Variants in USP46 observed in about 807,000 individuals in gnomAD.
The protein encoded by USP46 is ubiquitin carboxyl-terminal hydrolase 46.
Under a neutral mutation model 44.4 loss-of-function variants are expected in USP46, and 12 were observed. That is an observed-to-expected ratio of 0.27 (90% CI 0.17 to 0.44). The LOEUF (loss-of-function observed/expected upper bound fraction) is 0.44. USP46 is among the 20% of genes least tolerant of loss of function. The probability of loss-of-function intolerance (pLI) is 1.00; values close to 1 mark genes in which losing one functional copy is unlikely to be tolerated. For synonymous variants in USP46, 155 were observed against 161.5 expected, an observed-to-expected ratio of 0.96 and a Z score of 0.31; for missense variants, 248 against 444.8, an observed-to-expected ratio of 0.56 and a Z score of 3.98.
At chr4:52,653,440 G>T (rs189685242) in intron 1 of USP46, among the ~76,000 whole-genome samples, 1 of 149,780 alleles carries the variant, frequency 6.7e-6, no homozygotes, top group Non-Finnish European at 1.5e-5. Context: ...AGGAGGCAGA[G>T]GTTGCAGTGA....
At chr4:52,649,794 A>G (rs1718686278) in intron 1 of USP46, among the ~76,000 whole-genome samples, 1 of 152,260 alleles carries the variant, frequency 6.6e-6, no homozygotes, top group Non-Finnish European at 1.5e-5. Context: ...ACACTGAATA[A>G]TACAAATAAA....
At chr4:52,629,828 G>A (rs1168882487) in intron 2 of USP46, 1 of 429,060 alleles carries the variant, frequency 2.3e-6, no homozygotes, top group Non-Finnish European at 4.7e-6. Context: ...TTACAGATGG[G>A]GAAATGGAGG....
intron 4 of USP46, among the ~76,000 whole-genome samples, chr4:52,616,932 A>G (rs1349176453): frequency 6.6e-6 from 1 of 152,244 alleles, no homozygotes; most frequent in Non-Finnish European, 1.5e-5. Context: ...AACTAATGCC[A>G]AAGAAAACAT....
At chr4:52,658,891 G>C (rs1054637202) in intron 1 of USP46, among the ~76,000 whole-genome samples, 2 of 151,454 alleles carry the variant, frequency 1.3e-5, no homozygotes, top group Non-Finnish European at 1.5e-5. Flanking sequence ...TCGCCGGGCG[G>C]GTTCCGAGGT....
chr4:52,612,111 G>T (rs574616094), intron 4 of USP46, among the ~76,000 whole-genome samples: 1 of 152,254 alleles, frequency 6.6e-6, no homozygotes, highest in African/African-American at 2.4e-5. Flanking sequence ...AAAAAGTAAG[G>T]ACTCAATAAA....
At chr4:52,605,523 A>C (rs1441797556) in intron 5 of USP46, among the ~76,000 whole-genome samples, 1 of 152,196 alleles carries the variant, frequency 6.6e-6, no homozygotes, top group Non-Finnish European at 1.5e-5. Context: ...ATGTTATTTA[A>C]AATGTGTTAA....
chr4:52,595,795 T>G lies in USP46; in HGVS notation c.*1845A>C, dbSNP rs1217732866. The G allele has an allele frequency of 6.6e-6, 1 of 152,198 alleles. No homozygotes were observed. The highest frequency in any genetic ancestry group is 1.5e-5 in the Non-Finnish European group (1 of 68,030). The allele number at this position is 152,198 out of a possible 1,614,324, so 9.4% of individuals were successfully genotyped here. A position where few individuals can be genotyped will look rare whatever the true frequency, so the allele number is the denominator to read the frequency against. On this transcript the variant is annotated 3_prime_UTR_variant, in exon 9 of 9. Coordinates refer to ENST00000441222, the MANE Select transcript of USP46 (RefSeq NM_022832.4). ...ACTTTGTAACTTGCAGTCAAATATA[T>G]GGATTCTATATAGTACAAACATTTC...
intron 1 of USP46, among the ~76,000 whole-genome samples, chr4:52,637,007 T>C (rs1718143770): frequency 6.6e-6 from 1 of 151,910 alleles, no homozygotes; most frequent in South Asian, 2.1e-4. Flanking sequence ...GACAGGGTTT[T>C]CCATGTTGCT....
At chr4:52,636,061 G>A (rs1718103978) in intron 1 of USP46, among the ~76,000 whole-genome samples, 1 of 152,166 alleles carries the variant, frequency 6.6e-6, no homozygotes, top group Non-Finnish European at 1.5e-5. Context: ...GGCTGTAGAT[G>A]GAATTAATTT....
At chr4:52,610,643 A>T (rs774324095) in intron 4 of USP46, 26 bp from the exon 5 acceptor site, 1 of 1,606,626 alleles carries the variant, frequency 6.2e-7, no homozygotes, top group Non-Finnish European at 8.5e-7. Context: ...GAAACAATAT[A>T]TTAGGCATGA....
intron 1 of USP46, 101 bp from the exon 2 acceptor site, chr4:52,631,245 T>G: frequency 1.2e-6 from 1 of 852,770 alleles, no homozygotes; most frequent in Non-Finnish European, 1.8e-6. Flanking sequence ...TCTTCCCTGG[T>G]CAACACGGTA....
intron 1 of USP46, among the ~76,000 whole-genome samples, chr4:52,649,661 T>A (rs552074233): frequency 3.9e-5 from 6 of 152,384 alleles, no homozygotes; most frequent in African/African-American, 1.4e-4. Flanking sequence ...GGAGGCATAC[T>A]GCTTTACTCC....
intron 4 of USP46, among the ~76,000 whole-genome samples, chr4:52,623,919 C>CA (rs1032526740): frequency 6.0e-5 from 9 of 150,784 alleles, no homozygotes; most frequent in African/African-American, 7.3e-5. Context: ...GATTCTGTTT[C>CA]AAAAAAAATT....
intron 1 of USP46, among the ~76,000 whole-genome samples, chr4:52,638,761 T>A (rs993996591): frequency 6.6e-6 from 1 of 152,016 alleles, no homozygotes; most frequent in Admixed American, 6.6e-5. Flanking sequence ...CAATACCTGC[T>A]GCATGGACTG....
At position 52,591,848 on chromosome 4, in the gene USP46, A is replaced by G. The variant is rs1716030345; in HGVS notation, c.*5792T>C. 6.6e-6 allele frequency: 1 copy of G among 152,246 alleles called. No homozygotes were observed. Among genetic ancestry groups the G allele is most frequent in the Admixed American group, 6.5e-5 (1 of 15,288 alleles). The allele number at this position is 152,246 out of a possible 1,614,324, so 9.4% of individuals were successfully genotyped here. ...CATAATGTAAACAGATTGTTTAGAA[A>G]TAACAGATATTTGATTCATAAAGCT... On this transcript the variant is annotated 3_prime_UTR_variant, in exon 9 of 9. Transcript: ENST00000441222.
chr4:52,653,217 T>C (rs1272992188), intron 1 of USP46, among the ~76,000 whole-genome samples: 1 of 152,034 alleles, frequency 6.6e-6, no homozygotes, highest in East Asian at 1.9e-4. Flanking sequence ...CTCAAGAATG[T>C]TTTCGTGGCA....
chr4:52,657,381 G>A (rs1718993471), intron 1 of USP46, among the ~76,000 whole-genome samples: 1 of 152,030 alleles, frequency 6.6e-6, no homozygotes, highest in Admixed American at 6.5e-5. Context: ...GGGGGGACGC[G>A]TGGGGGGAGG....
At position 52,592,705 on chromosome 4, in the gene USP46, G is replaced by A. The variant is rs1716068464; in HGVS notation, c.*4935C>T. 1 of 393,500 alleles carries A rather than the reference G, an allele frequency of 2.5e-6. No homozygotes were observed. Among genetic ancestry groups the A allele is most frequent in the African/African-American group, 2.1e-5 (1 of 48,486 alleles). 24.4% of individuals were successfully genotyped at this position (393,500 alleles called of 1,614,324 possible). A position where few individuals can be genotyped will look rare whatever the true frequency, so the allele number is the denominator to read the frequency against. On this transcript the variant is annotated 3_prime_UTR_variant, in exon 9 of 9. Transcript: ENST00000441222. ...AATACAAAAATTACCCGGGTATAGT[G>A]GCACATGCCTGTAGTCCCAGCTACT...
rs1418401077 is a variant in USP46, at chr4:52,593,065, ATG to A, written c.*4573_*4574del. 2 of 397,454 alleles carry A rather than the reference ATG, an allele frequency of 5.0e-6. No individual in the cohort carries two copies. Among genetic ancestry groups the A allele is most frequent in the Non-Finnish European group, 8.9e-6 (2 of 225,816 alleles). The allele number at this position is 397,454 out of a possible 1,614,324, so 24.6% of individuals were successfully genotyped here. On this transcript the variant is annotated 3_prime_UTR_variant, in exon 9 of 9. Transcript: ENST00000441222. Reference sequence around the variant, plus strand: ...GGTATGTCTTTATAGCACTGCCAGAATGGACAAATACAACGACTTAGTAAGTA... The same window carrying A: ...GGTATGTCTTTATAGCACTGCCAGAAGACAAATACAACGACTTAGTAAGTA...
Sources: allele counts gnomAD v4.1 joint callset (sites outside exome capture counted in the v4.1 genomes callset), GRCh38; gene constraint gnomAD v4.1.1; transcripts MANE v1.5; gene names NCBI Gene and HGNC (gene_info 2026-07-23, HGNC 2026-07-21).